The following SLC44A5 variants were observed in gnomAD, a reference collection of about 807,000 sequenced individuals.
SLC44A5 encodes the protein choline transporter-like protein 5.
Under a neutral mutation model 101.8 loss-of-function variants are expected in SLC44A5, and 57 were observed. The observed-to-expected ratio is 0.56, with a 90% confidence interval of 0.45 to 0.70. The LOEUF is 0.70. Among genes scored for constraint, SLC44A5 ranks in the 30% least tolerant of loss-of-function variants. The pLI is 0.00. For synonymous variants in SLC44A5, 281 were observed against 290.9 expected (o/e 0.97, Z 0.35); for missense variants, 737 against 853.1 (o/e 0.86, Z 1.70).
At chr1:75,287,508 G>A (rs1382143485) in intron 5 of SLC44A5, among the ~76,000 whole-genome samples, 1 of 148,642 alleles carries the variant, frequency 6.7e-6, no homozygotes, top group Non-Finnish European at 1.5e-5. Flanking sequence ...TCTTTTGGGG[G>A]TACTAAAAAA....
intron 3 of SLC44A5, among the ~76,000 whole-genome samples, chr1:75,392,026 A>G (rs1661823154): frequency 6.6e-6 from 1 of 152,002 alleles, no homozygotes; most frequent in African/African-American, 2.4e-5. Context: ...ATCGTGGCAC[A>G]TAGTCCCAAC....
intron 2 of SLC44A5, among the ~76,000 whole-genome samples, chr1:75,528,849 G>C (rs990740974): frequency 1.3e-5 from 2 of 152,072 alleles, no homozygotes; most frequent in African/African-American, 4.8e-5. Flanking sequence ...GTATACACTG[G>C]TTTCTCAGAA....
the SLC44A5 span, among the ~76,000 whole-genome samples, chr1:75,637,520 T>G: frequency 6.6e-6 from 1 of 151,932 alleles, no homozygotes; most frequent in Non-Finnish European, 1.5e-5. Flanking sequence ...AATGGAGAGT[T>G]ATTGCTTAAT....
chr1:75,677,588 C>A, the SLC44A5 span: 10 of 284,680 alleles, frequency 3.5e-5, no homozygotes, highest in Non-Finnish European at 5.5e-5. Context: ...TGCCACAAAA[C>A]AACTGGAAAA....
At chr1:75,463,031 A>G (rs559237293) in intron 2 of SLC44A5, among the ~76,000 whole-genome samples, 2 of 152,286 alleles carry the variant, frequency 1.3e-5, no homozygotes, top group East Asian at 3.9e-4. Context: ...ATCAATATTC[A>G]AGGACAAGAA....
At chr1:75,243,075 G>A in intron 7 of SLC44A5, 64 bp from the exon 8 acceptor site, 1 of 1,501,992 alleles carries the variant, frequency 6.7e-7, no homozygotes, top group South Asian at 1.4e-5. Flanking sequence ...TACCTATAAA[G>A]CTAGACTTCT....
At chr1:75,520,210 T>C (rs1415858122) in intron 2 of SLC44A5, among the ~76,000 whole-genome samples, 1 of 152,114 alleles carries the variant, frequency 6.6e-6, no homozygotes, top group African/African-American at 2.4e-5. Flanking sequence ...ACTCTTGAAA[T>C]TGGAGTGGCA....
intron 13 of SLC44A5, among the ~76,000 whole-genome samples, chr1:75,226,246 A>AT (rs564706367): frequency 2.4e-4 from 36 of 148,356 alleles, no homozygotes; most frequent in Admixed American, 6.0e-4. Flanking sequence ...TTGATACAGT[A>AT]TTTTTTTTTT....
At chr1:75,670,100 C>T in the SLC44A5 span, among the ~76,000 whole-genome samples, 1 of 151,662 alleles carries the variant, frequency 6.6e-6, no homozygotes, top group East Asian at 1.9e-4. Flanking sequence ...TTCTAAAATA[C>T]AAAAAGAGAA....
At chr1:75,212,369 G>A (rs1185001325) in intron 22 of SLC44A5, among the ~76,000 whole-genome samples, 2 of 152,004 alleles carry the variant, frequency 1.3e-5, no homozygotes, top group Admixed American at 6.6e-5. Context: ...GTAGGTCCCA[G>A]TGTCTGCTGT....
At chr1:75,458,497 C>T (rs1342665425) in intron 2 of SLC44A5, among the ~76,000 whole-genome samples, 1 of 151,946 alleles carries the variant, frequency 6.6e-6, no homozygotes. Flanking sequence ...GATTGAAGGA[C>T]AATCAGAAAT....
chr1:75,527,083 C>T (rs1352695855), intron 2 of SLC44A5, among the ~76,000 whole-genome samples: 1 of 147,708 alleles, frequency 6.8e-6, no homozygotes, highest in East Asian at 2.0e-4. Flanking sequence ...TGCAGTGAGC[C>T]GAGATTGCAC....
chr1:75,445,534 G>A (rs372855541), intron 2 of SLC44A5, among the ~76,000 whole-genome samples: 38 of 146,024 alleles, frequency 2.6e-4, no homozygotes, highest in African/African-American at 3.3e-4. Flanking sequence ...TATATATTAC[G>A]TAATATATAC....
intron 3 of SLC44A5, among the ~76,000 whole-genome samples, chr1:75,386,649 G>T (rs1214420132): frequency 6.6e-6 from 1 of 152,118 alleles, no homozygotes; most frequent in African/African-American, 2.4e-5. Context: ...GTAATTTACA[G>T]ATTCAATGCC....
intron 1 of SLC44A5, among the ~76,000 whole-genome samples, chr1:75,568,421 A>C (rs1197534436): frequency 1.3e-5 from 2 of 152,202 alleles, no homozygotes; most frequent in Non-Finnish European, 2.9e-5. Context: ...TAAATAGAAG[A>C]TGAAGCAGAG....
intron 2 of SLC44A5, among the ~76,000 whole-genome samples, chr1:75,536,805 G>A (rs1671044402): frequency 6.9e-6 from 1 of 144,754 alleles, no homozygotes; most frequent in Admixed American, 6.9e-5. Flanking sequence ...AGGAGATCGA[G>A]ACCATCCCGG....
chr1:75,345,876 CA>C (rs949918040), intron 3 of SLC44A5, among the ~76,000 whole-genome samples: 4 of 152,076 alleles, frequency 2.6e-5, no homozygotes, highest in Non-Finnish European at 4.4e-5. Context: ...AAAGTTAAGG[CA>C]GATGAATCAA....
At chr1:75,519,067 A>G (rs1234520493) in intron 2 of SLC44A5, among the ~76,000 whole-genome samples, 1 of 152,158 alleles carries the variant, frequency 6.6e-6, no homozygotes, top group African/African-American at 2.4e-5. Context: ...AATCATTACT[A>G]GCTCTTATTT....
At chr1:75,483,238 G>T (rs1667970162) in intron 2 of SLC44A5, among the ~76,000 whole-genome samples, 1 of 152,116 alleles carries the variant, frequency 6.6e-6, no homozygotes, top group Non-Finnish European at 1.5e-5. Context: ...GAAATTAAGA[G>T]AAAAAGATCC....
Sources: gnomAD v4.1 joint callset for allele counts (sites outside exome capture counted in the v4.1 genomes callset) on GRCh38, gnomAD v4.1.1 for gene constraint, MANE v1.5 for transcripts, NCBI Gene and HGNC (gene_info 2026-07-23, HGNC 2026-07-21) for gene names.